Variants in TMCC1 observed in about 807,000 individuals in gnomAD.
TMCC1 encodes transmembrane and coiled-coil domain family 1, also known as transmembrane and coiled-coil domains protein 1.
Under a neutral mutation model 52.4 loss-of-function variants are expected in TMCC1, and 15 were observed. The observed-to-expected ratio is 0.29, with a 90% CI of 0.19 to 0.44. TMCC1 has a LOEUF of 0.44. TMCC1 is among the 20% of genes least tolerant of loss of function. The pLI is 1.00. For missense variants in TMCC1, 503 were observed against 806.0 expected, an observed-to-expected ratio of 0.62 and a Z score of 4.55; for synonymous variants, 279 against 301.9, an observed-to-expected ratio of 0.92 and a Z score of 0.79.
chr3:129,889,010 G>A (rs1369747112), intron 1 of TMCC1, among the ~76,000 whole-genome samples: 4 of 152,114 alleles, frequency 2.6e-5, no homozygotes, highest in African/African-American at 7.2e-5. Context: ...AGTGACTCAC[G>A]CCTGTAATCC....
intron 4 of TMCC1, among the ~76,000 whole-genome samples, chr3:129,672,527 T>G (rs1037570496): frequency 1.3e-5 from 2 of 151,948 alleles, no homozygotes; most frequent in Non-Finnish European, 2.9e-5. Context: ...TTGAGCCCAG[T>G]AGTTCCAGGC....
rs1560350161 is a variant in TMCC1 at position 129,759,709 on chromosome 3, A to ATTTTTTTT, written c.576+68093_576+68094insAAAAAAAA. Among the ~76,000 whole-genome samples the ATTTTTTTT allele has an allele frequency of 6.9e-4, 68 of 98,368 alleles. 5 individuals are homozygous for ATTTTTTTT. Among genetic ancestry groups the ATTTTTTTT allele is most frequent in the African/African-American group, 2.6e-3 (65 of 25,366 alleles). The allele number at this position is 98,368 out of a possible 152,430, so 64.5% of individuals were successfully genotyped here. A position where few individuals can be genotyped will look rare whatever the true frequency, so the allele number is the denominator to read the frequency against. ...GGCATGAGCCACTGCAGCCAGCCAA[A>ATTTTTTTT]CTTTTTTTTTTTTTTTTTTTTTTTT... On this transcript the variant is annotated intron_variant, in intron 4 of 6. Coordinates refer to ENST00000393238, the MANE Select transcript of TMCC1 (RefSeq NM_001017395.5).
chr3:129,730,197 T>A (rs1399888536), intron 4 of TMCC1, among the ~76,000 whole-genome samples: 1 of 152,148 alleles, frequency 6.6e-6, no homozygotes, highest in African/African-American at 2.4e-5. Flanking sequence ...ATATGTGATT[T>A]ACAAATTTTT....
chr3:129,729,046 A>T (rs1252934711), intron 4 of TMCC1, among the ~76,000 whole-genome samples: 1 of 152,160 alleles, frequency 6.6e-6, no homozygotes, highest in Non-Finnish European at 1.5e-5. Context: ...AGGATTTCAT[A>T]GAAATGTAAG....
chr3:129,772,978 C>T (rs1361747498), intron 4 of TMCC1, among the ~76,000 whole-genome samples: 1 of 152,104 alleles, frequency 6.6e-6, no homozygotes, highest in African/African-American at 2.4e-5. Context: ...ATGGAAATAT[C>T]TTAGAATCCA....
At chr3:129,891,132 T>G (rs2061946646) in intron 1 of TMCC1, among the ~76,000 whole-genome samples, 1 of 152,228 alleles carries the variant, frequency 6.6e-6, no homozygotes, top group South Asian at 2.1e-4. Flanking sequence ...ATTTTTCAGG[T>G]CACAACTCAA....
intron 4 of TMCC1, among the ~76,000 whole-genome samples, chr3:129,675,820 G>C (rs982840716): frequency 6.6e-6 from 1 of 151,900 alleles, no homozygotes; most frequent in Non-Finnish European, 1.5e-5. Context: ...GGCGGATCAC[G>C]AGGTCAGGAG....
At chr3:129,786,768 G>T (rs1040028830) in intron 4 of TMCC1, among the ~76,000 whole-genome samples, 3 of 152,186 alleles carry the variant, frequency 2.0e-5, no homozygotes, top group African/African-American at 7.2e-5. Context: ...ATCATAAAAT[G>T]AAGAGAAATC....
At chr3:129,759,703 AGCC>A (rs2053342197) in intron 4 of TMCC1, among the ~76,000 whole-genome samples, 1 of 133,864 alleles carries the variant, frequency 7.5e-6, no homozygotes. Flanking sequence ...CACTGCAGCC[AGCC>A]AAACTTTTTT....
chr3:129,656,307 G>C (rs749170964), intron 5 of TMCC1, among the ~76,000 whole-genome samples: 4 of 152,234 alleles, frequency 2.6e-5, no homozygotes, highest in Non-Finnish European at 5.9e-5. Context: ...GTCAGGCAGA[G>C]GGCAGATGGG....
At chr3:129,774,072 T>C (rs900556560) in intron 4 of TMCC1, among the ~76,000 whole-genome samples, 3 of 152,252 alleles carry the variant, frequency 2.0e-5, no homozygotes, top group African/African-American at 7.2e-5. Flanking sequence ...ATGCTTTAAA[T>C]GGTCTCTAAA....
In TMCC1 at chr3:129,823,138, A is replaced by G. The variant is rs187254729; in HGVS notation, c.576+4665T>C. 4.7e-4 allele frequency among the ~76,000 whole-genome samples: 71 copies of G among 152,164 alleles called. No individual in the cohort carries two copies. In the East Asian group the frequency reaches 8.5e-3, roughly 18 times the overall value. On this transcript the variant is annotated intron_variant, in intron 4 of 6. Transcript: ENST00000393238. ...GTCACGAGTTCAAGACCAGCCTGACAAACATGGTGAAACCCCATCTCTACT... is the reference window on the plus strand; with the variant it reads ...GTCACGAGTTCAAGACCAGCCTGACGAACATGGTGAAACCCCATCTCTACT...
At chr3:129,707,445 C>T (rs2048330816) in intron 4 of TMCC1, among the ~76,000 whole-genome samples, 1 of 152,020 alleles carries the variant, frequency 6.6e-6, no homozygotes, top group Non-Finnish European at 1.5e-5. Flanking sequence ...TCACATACGA[C>T]TAAGAAGCAA....
chr3:129,785,184 C>T (rs4073085), intron 4 of TMCC1, among the ~76,000 whole-genome samples: 95,900 of 151,980 alleles, frequency 0.63, 35,495 homozygotes, highest in Non-Finnish European at 0.83. Flanking sequence ...ATGCAAAGGA[C>T]GTGCAGCAGA....
At chr3:129,730,514 A>C (rs976153922) in intron 4 of TMCC1, among the ~76,000 whole-genome samples, 6 of 152,184 alleles carry the variant, frequency 3.9e-5, no homozygotes, top group Non-Finnish European at 7.3e-5. Context: ...ATTAATCTAC[A>C]TGTGTACCCT....
In TMCC1 at chr3:129,828,297, T is replaced by C; in HGVS notation, c.82A>G (p.Thr28Ala). 1.2e-6 allele frequency: 2 copies of C among 1,614,190 alleles called. No individual in the cohort carries two copies. The highest frequency in any genetic ancestry group is 2.2e-5 in the East Asian group (1 of 44,882). ...KSQDAEARKQ[T>A]ESEQKLSKMT... ...TTAGACAATTTTTGTTCTGATTCTG[T>C]CTGCTTTCTGGCCTCTGCATCTTGG... The change falls in exon 4 of 7, where the codon ACA becomes GCA. Residue 28 changes from threonine (T) to alanine (A), a missense_variant. By Grantham distance (58) the Thr-to-Ala change is moderately conservative. This residue lies in a region of TMCC1 where 217 missense variants were observed against 297.9 expected (regional missense o/e 0.73). Transcript: ENST00000393238. The surrounding 1 kb of genome is among the most constrained non-coding windows in gnomAD (Gnocchi z 4.1).
intron 2 of TMCC1, among the ~76,000 whole-genome samples, chr3:129,874,985 T>C (rs1327836429): frequency 6.6e-6 from 1 of 152,200 alleles, no homozygotes; most frequent in Non-Finnish European, 1.5e-5. Context: ...ATTTGAGTAC[T>C]GTCTTAAGTT....
intron 4 of TMCC1, among the ~76,000 whole-genome samples, chr3:129,675,153 TCA>T (rs1289236450): frequency 3.3e-5 from 5 of 152,236 alleles, no homozygotes; most frequent in Admixed American, 2.0e-4. Flanking sequence ...GGTTTCTAAC[TCA>T]CTCCAGATAG....
At chr3:129,829,203 T>G (rs1164507676) in intron 3 of TMCC1, among the ~76,000 whole-genome samples, 1 of 152,156 alleles carries the variant, frequency 6.6e-6, no homozygotes, top group Non-Finnish European at 1.5e-5. Context: ...AGACTAGAGC[T>G]TTGCTCAGTA....
Sources: gnomAD v4.1 joint callset for allele counts (sites outside exome capture counted in the v4.1 genomes callset) on GRCh38, gnomAD v4.1.1 for gene constraint, gnomAD v4.1.1 regional missense constraint, Gnocchi (gnomAD v3.1) non-coding constraint, MANE v1.5 for transcripts, NCBI Gene and HGNC (gene_info 2026-07-23, HGNC 2026-07-21) for gene names.